OSBPL5: variants seen among roughly 807,000 people sequenced by gnomAD.
OSBPL5 encodes oxysterol-binding protein-related protein 5.
A neutral mutation model predicts 111.2 loss-of-function variants in OSBPL5; 71 were observed. The ratio of observed to expected loss-of-function variants is 0.64; its 90% confidence interval spans 0.53 to 0.78. The LOEUF is 0.78. OSBPL5 is among the 30% of genes least tolerant of loss of function. OSBPL5 has a pLI of 0.00. For synonymous variants in OSBPL5, 549 were observed against 513.9 expected (o/e 1.07, Z -0.93); for missense variants, 1,210 against 1,189.3 (o/e 1.02, Z -0.26).
rs750944029 is a variant in OSBPL5, at chr11:3,093,636, C to T, written c.1837G>A (p.Gly613Arg). 1 of 1,613,210 alleles carries T rather than the reference C, an allele frequency of 6.2e-7. No homozygotes were observed. The highest frequency in any genetic ancestry group is 1.1e-5 in the South Asian group (1 of 91,088). The part of the protein sequence containing the change: ...WDRDVFIKEE[G>R]SGSSALFWTP... Reference sequence around the variant, plus strand: ...CAGAAAAGCGCACTGCTTCCGCTCCCTTCCTCCTTGATAAACACGTCCCTG... The same window carrying T: ...CAGAAAAGCGCACTGCTTCCGCTCCTTTCCTCCTTGATAAACACGTCCCTG... The change falls in exon 17 of 22, where the codon GGG becomes AGG. Residue 613 changes from glycine (G) to arginine (R), a missense_variant. By Grantham distance (125) the Gly-to-Arg change is moderately radical (BLOSUM62 -2). Transcript: ENST00000263650.
intron 1 of OSBPL5, among the ~76,000 whole-genome samples, chr11:3,151,098 G>T (rs1846570080): frequency 6.6e-6 from 1 of 152,154 alleles, no homozygotes; most frequent in Non-Finnish European, 1.5e-5. Flanking sequence ...ACAGACAGGG[G>T]AGAACGTGCC....
At chr11:3,163,337 A>G (rs117745640) in intron 1 of OSBPL5, among the ~76,000 whole-genome samples, 2,495 of 152,312 alleles carry the variant, frequency 0.016, 25 homozygotes, top group Non-Finnish European at 0.022. Context: ...AGAGAGCACC[A>G]GTCCCCAAAA....
In OSBPL5 at chr11:3,093,852, A is replaced by G; in HGVS notation, c.1720-17T>C. The G allele has an allele frequency of 6.2e-7, 1 of 1,606,696 alleles. No homozygotes were observed. Among genetic ancestry groups the G allele is most frequent in the South Asian group, 1.1e-5 (1 of 90,576 alleles). ...GAAGAAGGGCTGCGGGGCCACACCC[A>G]GAACAGAGCCCAGTGAGCGGGGGCT... On this transcript the variant is annotated splice_polypyrimidine_tract_variant and intron_variant, in intron 15 of 21. Coordinates refer to ENST00000263650, the MANE Select transcript of OSBPL5 (RefSeq NM_020896.4).
chr11:3,093,604 C>T lies in OSBPL5; in HGVS notation c.1869G>A (p.Pro623=), dbSNP rs202021793. The T allele has an allele frequency of 1.9e-5, 31 of 1,612,880 alleles. No homozygotes were observed. The highest frequency in any genetic ancestry group is 1.2e-4 in the South Asian group (11 of 91,088). Reference sequence around the variant, plus strand: ...GCCTCTGTCTGCGGACCTCCCCGCTCGGGGTCCAGAAAAGCGCACTGCTTC... The same window carrying T: ...GCCTCTGTCTGCGGACCTCCCCGCTTGGGGTCCAGAAAAGCGCACTGCTTC... ...GSGSSALFWT[P]SGEVRRQRLR... is the part of the protein sequence containing the mutation. Residue 623 remains proline, a synonymous_variant, in exon 17 of 22, where the codon CCG becomes CCA. Coordinates refer to ENST00000263650, the MANE Select transcript of OSBPL5 (RefSeq NM_020896.4).
At chr11:3,157,133 C>T (rs1846791448) in intron 1 of OSBPL5, among the ~76,000 whole-genome samples, 2 of 152,248 alleles carry the variant, frequency 1.3e-5, no homozygotes, top group African/African-American at 4.8e-5. Context: ...GATCAGAGAG[C>T]CGCGTGCCTC....
chr11:3,103,174 G>T, intron 11 of OSBPL5, 65 bp downstream of exon 11: 2 of 1,440,996 alleles, frequency 1.4e-6, no homozygotes, highest in East Asian at 5.0e-5. Context: ...AGTGCCAAGG[G>T]ACGAGGGCTG....
chr11:3,155,068 G>T (rs1846712348), intron 1 of OSBPL5, among the ~76,000 whole-genome samples: 1 of 152,170 alleles, frequency 6.6e-6, no homozygotes, highest in Non-Finnish European at 1.5e-5. Flanking sequence ...GAAAGAAGGT[G>T]GTTATCTGCA....
rs760892613 is a variant in OSBPL5, at chr11:3,107,378, T to G, written c.944A>C (p.Glu315Ala). Residue 315 changes from glutamate to alanine, a missense_variant, in exon 9 of 22, where the codon GAG becomes GCG. Transcript: ENST00000263650. This position sits in a 1 kb window ranked among gnomAD's most constrained non-coding sequence, Gnocchi z 6.1. The stretch of plus-strand genomic sequence containing the variant: ...CGTCTTCCGGCTATGGTCCTGGGTC[T>G]CGGTATCTGACTCCTCAGGGTTCTC... ...ERENPEESDT[E>A]TQDHSRKTES... 6.2e-7 allele frequency: 1 copy of G among 1,614,026 alleles called. No individual in the cohort carries two copies. The highest frequency in any genetic ancestry group is 8.5e-7 in the Non-Finnish European group (1 of 1,179,994).
At position 3,161,379 on chromosome 11, in the gene OSBPL5, G is replaced by C. The variant is rs754551227; in HGVS notation, c.-22+3837C>G. ...ACGCCCTCTTGTCCTTCCCATCCTA[G>C]AGCATGGAGGAAATGAGCTGGTCAC... On this transcript the variant is annotated intron_variant, in intron 1 of 21. Coordinates refer to ENST00000263650, the MANE Select transcript of OSBPL5 (RefSeq NM_020896.4). The surrounding 1 kb of genome is among the most constrained non-coding windows in gnomAD (Gnocchi z 8.0). 2.0e-5 allele frequency: 3 copies of C among 152,216 alleles called. No homozygotes were observed. The highest frequency in any genetic ancestry group is 4.4e-5 in the Non-Finnish European group (3 of 68,054). 9.4% of individuals were successfully genotyped at this position (152,216 alleles called of 1,614,324 possible).
rs2134384527 is a variant in OSBPL5 at position 3,092,740 on chromosome 11, T to TC, written c.2132+126dup. 3.0e-6 allele frequency: 4 copies of TC among 1,347,452 alleles called. No individual in the cohort carries two copies. In the South Asian group the frequency reaches 4.5e-5, roughly 15 times the overall value. The allele number at this position is 1,347,452 out of a possible 1,614,324, so 83.5% of individuals were successfully genotyped here. ...GATGGGGGGTGTCACTATCTGACCCTCCCCCACCGACTCCTCCAGGGGACA... is the reference window on the plus strand; with the variant it reads ...GATGGGGGGTGTCACTATCTGACCCTCCCCCCACCGACTCCTCCAGGGGACA... On this transcript the variant is annotated intron_variant, in intron 18 of 21. Coordinates refer to ENST00000263650, the MANE Select transcript of OSBPL5 (RefSeq NM_020896.4). This position sits in a 1 kb window ranked among gnomAD's most constrained non-coding sequence, Gnocchi z 5.4.
intron 7 of OSBPL5, among the ~76,000 whole-genome samples, chr11:3,118,227 G>A (rs1858277724): frequency 6.6e-6 from 1 of 152,198 alleles, no homozygotes; most frequent in South Asian, 2.1e-4. Flanking sequence ...GTCAAGCTGG[G>A]CACTGCTAGG....
chr11:3,121,888 G>T lies in OSBPL5; in HGVS notation c.402+109C>A. On this transcript the variant is annotated intron_variant, in intron 5 of 21. Coordinates refer to ENST00000263650, the MANE Select transcript of OSBPL5 (RefSeq NM_020896.4). The surrounding 1 kb of genome is among the most constrained non-coding windows in gnomAD (Gnocchi z 4.3). Reference sequence around the variant, plus strand: ...GAGGCTGCAGTGATAACGGCTAGATGCAGGGAAGTGAATTTCCATCGTTTC... The same window carrying T: ...GAGGCTGCAGTGATAACGGCTAGATTCAGGGAAGTGAATTTCCATCGTTTC... The T allele has an allele frequency of 2.1e-6, 2 of 936,258 alleles. No individual in the cohort carries two copies. Among genetic ancestry groups the T allele is most frequent in the Non-Finnish European group, 3.3e-6 (2 of 611,668 alleles). 58.0% of individuals were successfully genotyped at this position (936,258 alleles called of 1,614,324 possible).
Position 3,104,851 on chromosome 11 carries a change from T to C in OSBPL5, c.1060-474A>G, listed in dbSNP as rs567245740. ...CTTTTTCTGTTTTTGAACCACTTTA[T>C]TGAGGTCTGATTGATATACAGAAGC... On this transcript the variant is annotated intron_variant, in intron 9 of 21. Transcript: ENST00000263650. This position sits in a 1 kb window ranked among gnomAD's most constrained non-coding sequence, Gnocchi z 5.0. 1.0e-3 allele frequency among the ~76,000 whole-genome samples: 158 copies of C among 152,350 alleles called. No individual in the cohort carries two copies. Among genetic ancestry groups the C allele is most frequent in the African/African-American group, 3.4e-3 (143 of 41,572 alleles).
chr11:3,101,284 T>C (rs1857446916), intron 13 of OSBPL5, among the ~76,000 whole-genome samples: 1 of 151,112 alleles, frequency 6.6e-6, no homozygotes, highest in Non-Finnish European at 1.5e-5. Context: ...CTAAGTTTCA[T>C]TTCATTTTAG....
intron 7 of OSBPL5, among the ~76,000 whole-genome samples, chr11:3,117,966 T>C (rs1051294202): frequency 2.0e-5 from 3 of 152,232 alleles, no homozygotes; most frequent in Non-Finnish European, 2.9e-5. Flanking sequence ...TGTTGTTGTT[T>C]TTCTGCCTTC....
Position 3,110,400 on chromosome 11 carries a change from C to G in OSBPL5, c.692-2455G>C, listed in dbSNP as rs975902034. On this transcript the variant is annotated intron_variant, in intron 7 of 21. Coordinates refer to ENST00000263650, the MANE Select transcript of OSBPL5 (RefSeq NM_020896.4). This position sits in a 1 kb window ranked among gnomAD's most constrained non-coding sequence, Gnocchi z 5.3. ...TGGAGGATCATCGCAGTCACAGCTG[C>G]CTGAGCGGCCACTCAGGGAACAGCA... Among the ~76,000 whole-genome samples the G allele has an allele frequency of 2.0e-5, 3 of 152,224 alleles. No individual in the cohort carries two copies. Among genetic ancestry groups the G allele is most frequent in the African/African-American group, 7.2e-5 (3 of 41,458 alleles).
intron 15 of OSBPL5, 90 bp downstream of exon 15, chr11:3,094,147 T>TC: frequency 7.7e-7 from 1 of 1,301,252 alleles, no homozygotes; most frequent in Non-Finnish European, 1.1e-6. Context: ...TTGGGGAACC[T>TC]TCCTTGGGGC....
chr11:3,099,867 G>A (rs938219245), intron 14 of OSBPL5, among the ~76,000 whole-genome samples: 83 of 152,092 alleles, frequency 5.5e-4, no homozygotes, highest in Non-Finnish European at 1.1e-3. Flanking sequence ...TCGGGAGTTC[G>A]AGATCAGCCT....
At chr11:3,133,572 G>C (rs1053394625) in intron 1 of OSBPL5, among the ~76,000 whole-genome samples, 5 of 152,176 alleles carry the variant, frequency 3.3e-5, no homozygotes, top group African/African-American at 1.2e-4. Context: ...TGGGGGGCTG[G>C]CCTGTCCCTG....
Sources: allele counts gnomAD v4.1 joint callset (sites outside exome capture counted in the v4.1 genomes callset), GRCh38; gene constraint gnomAD v4.1.1; non-coding constraint Gnocchi (gnomAD v3.1); transcripts MANE v1.5; gene names NCBI Gene and HGNC (gene_info 2026-07-23, HGNC 2026-07-21).